Variants in CLIC5 observed in about 807,000 individuals in gnomAD.
CLIC5 encodes the protein chloride intracellular channel protein 5.
Under a neutral mutation model 24.7 loss-of-function variants are expected in CLIC5, and 20 were observed. The ratio of observed to expected loss-of-function variants is 0.81; its 90% CI spans 0.57 to 1.18. CLIC5 has a LOEUF of 1.18. Among genes scored for constraint, CLIC5 ranks in the 50% most tolerant of loss-of-function variants. The probability of loss-of-function intolerance (pLI) is 0.00; values close to 1 mark genes in which losing one functional copy is unlikely to be tolerated. For missense variants in CLIC5, 341 were observed against 326.1 expected, an observed-to-expected ratio of 1.05 and a Z score of -0.35; for synonymous variants, 159 against 135.6, an observed-to-expected ratio of 1.17 and a Z score of -1.20.
chr6:46,074,511 G>A (rs75203139), intron 1 of CLIC5, among the ~76,000 whole-genome samples: 38 of 152,248 alleles, frequency 2.5e-4, no homozygotes, highest in African/African-American at 8.7e-4. Flanking sequence ...ACTTCAACAG[G>A]ACATTTACAT....
intron 3 of CLIC5, among the ~76,000 whole-genome samples, chr6:45,949,038 T>G (rs935752535): frequency 6.6e-6 from 1 of 152,058 alleles, no homozygotes; most frequent in Non-Finnish European, 1.5e-5. Context: ...CTGGCTCTTG[T>G]TCATAGGCCA....
At chr6:45,904,941 T>A (rs1369458395) in intron 5 of CLIC5, among the ~76,000 whole-genome samples, 1 of 152,026 alleles carries the variant, frequency 6.6e-6, no homozygotes, top group Non-Finnish European at 1.5e-5. Context: ...GAGTACCTAT[T>A]GCTTAGCTCC....
Position 45,981,118 on chromosome 6 carries a change from T to A in CLIC5, c.64-25874A>T, listed in dbSNP as rs115646425. Among the ~76,000 whole-genome samples the A allele has an allele frequency of 2.9e-3, 440 of 152,072 alleles. 1 individual carries two copies. Among genetic ancestry groups the A allele is most frequent in the African/African-American group, 9.5e-3 (393 of 41,494 alleles). The stretch of plus-strand genomic sequence containing the variant: ...CCTGAGTAGCTGAAACTACAATATT[T>A]ACCACCAGGTCTGGCTAATTTTTGT... On this transcript the variant is annotated intron_variant, in intron 1 of 5. Coordinates refer to ENST00000339561, the MANE Select transcript of CLIC5 (RefSeq NM_016929.5).
intron 1 of CLIC5, among the ~76,000 whole-genome samples, chr6:46,068,269 T>G (rs546305957): frequency 1.2e-4 from 19 of 152,294 alleles, no homozygotes; most frequent in Admixed American, 1.2e-3. Context: ...AGAATAAGTT[T>G]CTGTTGTTTT....
chr6:45,891,958 A>G (rs1327795736), intron 6 of CLIC5, among the ~76,000 whole-genome samples: 5 of 152,250 alleles, frequency 3.3e-5, no homozygotes, highest in African/African-American at 9.6e-5. Context: ...TCTCCAAGAT[A>G]CATTGTGAAG....
intron 1 of CLIC5, among the ~76,000 whole-genome samples, chr6:45,993,387 A>G (rs771367691): frequency 6.6e-6 from 1 of 152,222 alleles, no homozygotes; most frequent in Non-Finnish European, 1.5e-5. Flanking sequence ...TCAACAATCA[A>G]TCAAGCTCTG....
intron 4 of CLIC5, among the ~76,000 whole-genome samples, chr6:45,935,172 G>A (rs1367051533): frequency 6.6e-6 from 1 of 152,224 alleles, no homozygotes. Flanking sequence ...TATTCAGAGG[G>A]AGAAGTCCAC....
chr6:45,944,866 G>A (rs1446430511), intron 3 of CLIC5, among the ~76,000 whole-genome samples: 1 of 152,168 alleles, frequency 6.6e-6, no homozygotes, highest in African/African-American at 2.4e-5. Flanking sequence ...TTTCTCACGA[G>A]CTGAAAAGTG....
chr6:46,012,315 C>T (rs2127443449), intron 1 of CLIC5, among the ~76,000 whole-genome samples: 1 of 152,334 alleles, frequency 6.6e-6, no homozygotes, highest in South Asian at 2.1e-4. Context: ...AAGACTTGAA[C>T]TCAGGTACTG....
Position 45,971,027 on chromosome 6 carries a change from G to T in CLIC5, c.64-15783C>A, listed in dbSNP as rs113326497. On this transcript the variant is annotated intron_variant, in intron 1 of 5. Transcript: ENST00000339561. ...ATAAAAATACAAAACTGCCCCATTG[G>T]TGGACTCCAAAATAAATGAGGTACA... is the stretch of plus-strand genomic sequence containing the variant. 5.7e-3 allele frequency among the ~76,000 whole-genome samples: 875 copies of T among 152,272 alleles called. 5 individuals carry two copies. Among genetic ancestry groups the T allele is most frequent in the African/African-American group, 0.019 (805 of 41,542 alleles).
At chr6:46,121,366 C>G in the CLIC5 span, among the ~76,000 whole-genome samples, 2 of 152,186 alleles carry the variant, frequency 1.3e-5, no homozygotes, top group Admixed American at 6.5e-5. Context: ...AAATCCTTTA[C>G]AGACAAGCAA....
At chr6:45,942,367 G>A (rs1253968737) in intron 3 of CLIC5, among the ~76,000 whole-genome samples, 1 of 152,192 alleles carries the variant, frequency 6.6e-6, no homozygotes, top group Non-Finnish European at 1.5e-5. Context: ...AGGCAGGCTG[G>A]AGTTAGAACG....
chr6:46,058,978 A>C (rs1768340732), intron 1 of CLIC5, among the ~76,000 whole-genome samples: 2 of 152,216 alleles, frequency 1.3e-5, no homozygotes, highest in Non-Finnish European at 2.9e-5. Flanking sequence ...CATAGATGCC[A>C]ACAGCAGGAA....
chr6:45,896,973 G>A (rs1762401945), downstream of CLIC5, among the ~76,000 whole-genome samples: 1 of 152,140 alleles, frequency 6.6e-6, no homozygotes, highest in Non-Finnish European at 1.5e-5. Flanking sequence ...GGCCACTCGT[G>A]GGGTAAAAGA....
Position 45,901,158 on chromosome 6 carries a change from G to C in CLIC5, c.*1930C>G, listed in dbSNP as rs1426174015. 6.6e-6 allele frequency: 1 copy of C among 152,000 alleles called. No homozygotes were observed. The highest frequency in any genetic ancestry group is 1.5e-5 in the Non-Finnish European group (1 of 68,022). The allele number at this position is 152,000 out of a possible 1,614,324, so 9.4% of individuals were successfully genotyped here. The stretch of plus-strand genomic sequence containing the variant: ...CCTCATCCCCCAGGAGGCCAGTTTG[G>C]GGCTTTTCCCTACAGTAAAAAAGGA... On this transcript the variant is annotated 3_prime_UTR_variant, in exon 6 of 6. Coordinates refer to ENST00000339561, the MANE Select transcript of CLIC5 (RefSeq NM_016929.5).
upstream of CLIC5, among the ~76,000 whole-genome samples, chr6:46,017,449 G>A (rs1437587912): frequency 6.6e-6 from 1 of 152,192 alleles, no homozygotes; most frequent in Non-Finnish European, 1.5e-5. Context: ...GAGACATGAA[G>A]TATTTAAGTA....
intron 1 of CLIC5, among the ~76,000 whole-genome samples, chr6:46,004,500 G>A (rs1766472869): frequency 6.6e-6 from 1 of 152,180 alleles, no homozygotes; most frequent in Non-Finnish European, 1.5e-5. Flanking sequence ...GTCCCGCAGG[G>A]TGGCAGAACT....
intron 1 of CLIC5, chr6:46,014,550 C>T (rs1766925839): frequency 1.3e-5 from 2 of 152,260 alleles, no homozygotes; most frequent in Admixed American, 1.3e-4. Context: ...CTTCCCCTCC[C>T]CCAAGTCCTG....
In CLIC5 at chr6:46,025,747, C is replaced by G. The variant is rs145442190; in HGVS notation, c.540+53956G>C. 5.5e-3 allele frequency among the ~76,000 whole-genome samples: 839 copies of G among 152,278 alleles called. 23 individuals carry two copies. The highest frequency in any genetic ancestry group is 6.8e-3 in the Middle Eastern group (2 of 294). On this transcript the variant is annotated intron_variant, in intron 1 of 5. Transcript: ENST00000185206. ...CAAATCTCATGTCGAATTGTAATCA[C>G]CACGTGTCAGGGGAGAGACCTGGTG...
Sources: gnomAD v4.1 joint callset for allele counts (sites outside exome capture counted in the v4.1 genomes callset) on GRCh38, gnomAD v4.1.1 for gene constraint, MANE v1.5 for transcripts, NCBI Gene and HGNC (gene_info 2026-07-23, HGNC 2026-07-21) for gene names.